AFF1: variants seen among roughly 807,000 people sequenced by gnomAD.
AFF1 encodes ALF transcription elongation factor 1, also known as AF4/FMR2 family member 1.
A neutral mutation model predicts 121.7 loss-of-function variants in AFF1; 48 were observed. The ratio of observed to expected loss-of-function variants is 0.39; its 90% CI spans 0.31 to 0.50. AFF1 has a LOEUF of 0.50. AFF1 is among the 20% of genes least tolerant of loss of function. The pLI, the probability that AFF1 is intolerant of heterozygous loss-of-function variation, is 0.76. For missense variants in AFF1, 1,523 were observed against 1,511.7 expected, an observed-to-expected ratio of 1.01 and a Z score of -0.12; for synonymous variants, 613 against 563.0, an observed-to-expected ratio of 1.09 and a Z score of -1.26.
intron 4 of AFF1, among the ~76,000 whole-genome samples, chr4:87,081,145 G>C: frequency 7.5e-6 from 1 of 134,200 alleles, no homozygotes; most frequent in South Asian, 2.5e-4. Context: ...TTTCTCTAAT[G>C]AAATGAATTT....
At chr4:87,105,319 C>T (rs1473648535) in intron 8 of AFF1, among the ~76,000 whole-genome samples, 4 of 152,190 alleles carry the variant, frequency 2.6e-5, no homozygotes, top group Non-Finnish European at 5.9e-5. Context: ...GGGCTCGCAA[C>T]GAATCCTTGT....
intron 2 of AFF1, among the ~76,000 whole-genome samples, chr4:87,004,376 T>A (rs1216655787): frequency 4.6e-5 from 7 of 152,200 alleles, no homozygotes; most frequent in Non-Finnish European, 8.8e-5. Context: ...CATTAAAAAT[T>A]AAAATTGAGG....
chr4:87,049,610 A>G, intron 4 of AFF1: 1 of 454,836 alleles, frequency 2.2e-6, no homozygotes, highest in Non-Finnish European at 4.4e-6. Context: ...TCTGCTGTCA[A>G]CAATGGAGTA....
intron 2 of AFF1, among the ~76,000 whole-genome samples, chr4:86,955,841 A>G (rs1721700153): frequency 6.6e-6 from 1 of 152,202 alleles, no homozygotes; most frequent in Admixed American, 6.5e-5. Context: ...TGCATCATAT[A>G]GGATGGAATA....
chr4:87,023,579 T>TA (rs1553918725), intron 2 of AFF1, among the ~76,000 whole-genome samples: 1 of 152,272 alleles, frequency 6.6e-6, no homozygotes, highest in South Asian at 2.1e-4. Context: ...TGTTGGAAAT[T>TA]AAAAAAAGTG....
chr4:87,119,539 C>G (rs751462530), intron 12 of AFF1, among the ~76,000 whole-genome samples: 24 of 152,140 alleles, frequency 1.6e-4, no homozygotes, highest in Non-Finnish European at 3.5e-4. Context: ...TCACTGCACT[C>G]CAGCATGGGC....
At chr4:87,105,770 T>G in intron 9 of AFF1, 38 bp from the exon 10 acceptor site, 1 of 1,614,082 alleles carries the variant, frequency 6.2e-7, no homozygotes. Flanking sequence ...TTTTTTGTTC[T>G]TTTCCTGGTC....
intron 4 of AFF1, among the ~76,000 whole-genome samples, chr4:87,070,850 G>A (rs1721960445): frequency 6.6e-6 from 1 of 152,104 alleles, no homozygotes; most frequent in Non-Finnish European, 1.5e-5. Flanking sequence ...ATATTTGTAG[G>A]GGGTGTAAAT....
chr4:87,096,350 C>G (rs1578241220), intron 8 of AFF1, among the ~76,000 whole-genome samples: 2 of 105,214 alleles, frequency 1.9e-5, no homozygotes, highest in Non-Finnish European at 3.6e-5. Context: ...GTCACCCAGG[C>G]TGGAGTACAG....
At chr4:86,940,609 A>G (rs1046323825) in intron 1 of AFF1, among the ~76,000 whole-genome samples, 40 of 152,022 alleles carry the variant, frequency 2.6e-4, no homozygotes, top group African/African-American at 8.4e-4. Context: ...CATGTTGGCC[A>G]GGGTAGTCTT....
At chr4:86,957,456 C>T (rs1050339596) in intron 2 of AFF1, among the ~76,000 whole-genome samples, 1 of 152,142 alleles carries the variant, frequency 6.6e-6, no homozygotes, top group Admixed American at 6.5e-5. Flanking sequence ...CTGGAGAAAG[C>T]AAAAGCCTGG....
At chr4:86,936,203 G>T (rs184050002) in intron 1 of AFF1, 18 of 152,348 alleles carry the variant, frequency 1.2e-4, no homozygotes, top group African/African-American at 4.1e-4. Context: ...TTGCAGCCAA[G>T]TGATTTGTTT....
In AFF1 at chr4:86,935,087, C is replaced by T. The variant is rs1368470555; in HGVS notation, c.-190C>T. 1 of 152,168 alleles carries T rather than the reference C, an allele frequency of 6.6e-6. No individual in the cohort carries two copies. The highest frequency in any genetic ancestry group is 1.5e-5 in the Non-Finnish European group (1 of 68,042). The allele number at this position is 152,168 out of a possible 1,614,324, so 9.4% of individuals were successfully genotyped here. On this transcript the variant is annotated 5_prime_UTR_variant, in exon 1 of 21. Transcript: ENST00000395146. ...CCTGCGCGCGTTGCGGCCGCAGCTG[C>T]ACCTTTGCCTCCGCGGTTCCGCAGC...
chr4:87,044,698 C>CAT (rs1270699413), intron 2 of AFF1, among the ~76,000 whole-genome samples: 1 of 152,064 alleles, frequency 6.6e-6, no homozygotes, highest in African/African-American at 2.4e-5. Context: ...GTAAGAGAGT[C>CAT]ATACTTCCTA....
At chr4:87,070,117 C>G (rs1374890844) in intron 4 of AFF1, among the ~76,000 whole-genome samples, 1 of 152,226 alleles carries the variant, frequency 6.6e-6, no homozygotes, top group Non-Finnish European at 1.5e-5. Context: ...GATTGTCCTG[C>G]GTCAGCCTCC....
intron 2 of AFF1, among the ~76,000 whole-genome samples, chr4:86,964,751 C>T (rs376225181): frequency 2.0e-5 from 3 of 152,120 alleles, no homozygotes; most frequent in African/African-American, 7.2e-5. Context: ...ACATCCTTCT[C>T]GTTATTCCTC....
intron 2 of AFF1, among the ~76,000 whole-genome samples, chr4:86,968,498 T>C (rs1722690479): frequency 6.6e-6 from 1 of 152,212 alleles, no homozygotes; most frequent in South Asian, 2.1e-4. Context: ...GGCAGAAGTA[T>C]GATATTTCGA....
intron 2 of AFF1, among the ~76,000 whole-genome samples, chr4:86,994,645 G>T (rs1724976299): frequency 6.6e-6 from 1 of 152,282 alleles, no homozygotes; most frequent in Admixed American, 6.5e-5. Flanking sequence ...ATCATGACTT[G>T]ATATGCATGA....
intron 4 of AFF1, among the ~76,000 whole-genome samples, chr4:87,073,280 C>CAAAAAAAAAAAAAAAAAAAAAAAAAAA (rs55821662): frequency 1.2e-5 from 1 of 83,672 alleles, no homozygotes; most frequent in African/African-American, 5.2e-5. Flanking sequence ...GCATTAAAGC[C>CAAAAAAAAAAAAAAAAAAAAAAAAAAA]AAAAAAAAAA....
Sources: allele counts gnomAD v4.1 joint callset (sites outside exome capture counted in the v4.1 genomes callset), GRCh38; gene constraint gnomAD v4.1.1; transcripts MANE v1.5; gene names NCBI Gene and HGNC (gene_info 2026-07-23, HGNC 2026-07-21).